EYA3: variants seen among roughly 807,000 people sequenced by gnomAD.
EYA3 encodes the protein protein phosphatase EYA3.
A neutral mutation model predicts 80.0 loss-of-function variants in EYA3; 39 were observed. The observed-to-expected ratio is 0.49, with a 90% CI of 0.38 to 0.64. The LOEUF is 0.64. Among genes scored for constraint, EYA3 ranks in the 30% least tolerant of loss-of-function variants. The probability of loss-of-function intolerance (pLI) is 0.00; values close to 1 mark genes in which losing one functional copy is unlikely to be tolerated. For synonymous variants in EYA3, 206 were observed against 232.8 expected (o/e 0.88, Z 1.05); for missense variants, 523 against 676.1 (o/e 0.77, Z 2.51).
intron 2 of EYA3, among the ~76,000 whole-genome samples, chr1:28,055,866 T>G (rs1644420372): frequency 1.3e-5 from 2 of 152,184 alleles, no homozygotes. Flanking sequence ...ACAATGGGAT[T>G]AAAATAACTT....
chr1:28,027,722 C>T, intron 7 of EYA3, 67 bp downstream of exon 7: 1 of 1,594,050 alleles, frequency 6.3e-7, no homozygotes, highest in South Asian at 1.1e-5. Flanking sequence ...TTTGGAGATA[C>T]AGGTAGATTA....
intron 1 of EYA3, among the ~76,000 whole-genome samples, chr1:28,071,828 T>C (rs1159308296): frequency 1.3e-5 from 2 of 152,278 alleles, no homozygotes; most frequent in South Asian, 2.1e-4. Flanking sequence ...TACAAAAATG[T>C]ACAGATCAAA....
At chr1:27,977,833 G>A (rs1241000353) in intron 17 of EYA3, among the ~76,000 whole-genome samples, 2 of 143,636 alleles carry the variant, frequency 1.4e-5, no homozygotes, top group Non-Finnish European at 3.0e-5. Flanking sequence ...GGGAGATAGA[G>A]TGAGACTCTA....
At chr1:28,001,164 T>C (rs1388083470) in intron 11 of EYA3, among the ~76,000 whole-genome samples, 1 of 148,948 alleles carries the variant, frequency 6.7e-6, no homozygotes, top group Non-Finnish European at 1.5e-5. Context: ...ATATATAATT[T>C]ATATAAACTA....
intron 1 of EYA3, among the ~76,000 whole-genome samples, chr1:28,080,942 G>T (rs1165322333): frequency 1.3e-5 from 2 of 151,704 alleles, no homozygotes; most frequent in Admixed American, 1.3e-4. Context: ...TTTTGGTAGA[G>T]ACGGGGTTTC....
intron 1 of EYA3, among the ~76,000 whole-genome samples, chr1:28,076,094 T>C (rs1452024053): frequency 6.6e-6 from 1 of 152,178 alleles, no homozygotes; most frequent in East Asian, 1.9e-4. Flanking sequence ...ATCACATTTC[T>C]GTAACCAGAA....
At position 27,999,955 on chromosome 1, in the gene EYA3, C is replaced by T. The variant is rs753827273; in HGVS notation, c.1083+5G>A. The T allele has an allele frequency of 6.3e-7, 1 of 1,584,678 alleles. No individual in the cohort carries two copies. The highest frequency in any genetic ancestry group is 8.6e-7 in the Non-Finnish European group (1 of 1,162,516). On this transcript the variant is annotated splice_donor_5th_base_variant and intron_variant, in intron 12 of 17. Transcript: ENST00000373871. ...TGAAGCACAGAAACAATTTAAAATG[C>T]TTACCTCTAAGTCATTGAAAAATAG... is the stretch of plus-strand genomic sequence containing the variant.
chr1:28,083,938 C>A (rs1239390384), intron 1 of EYA3, among the ~76,000 whole-genome samples: 1 of 152,122 alleles, frequency 6.6e-6, no homozygotes, highest in Non-Finnish European at 1.5e-5. Flanking sequence ...AAATGTATTA[C>A]AAAGAGTATT....
At chr1:27,977,110 C>T (rs929767127) in intron 17 of EYA3, 1 of 985,420 alleles carries the variant, frequency 1.0e-6, no homozygotes, top group African/African-American at 1.7e-5. Context: ...TACCCTTCTT[C>T]AGACCAGGAA....
In EYA3 at chr1:28,057,634, T is replaced by C. The variant is rs1228440856; in HGVS notation, c.33+360A>G. On this transcript the variant is annotated intron_variant, in intron 2 of 17. Transcript: ENST00000373871. ...ATAACTTCCTCACTACTACTACTTT[T>C]TAAAAAATTAACTCTCAAGGAAATT... 5.9e-5 allele frequency among the ~76,000 whole-genome samples: 9 copies of C among 152,248 alleles called. No individual in the cohort carries two copies. In the East Asian group the frequency reaches 1.5e-3, roughly 26 times the overall value.
At position 28,047,460 on chromosome 1, in the gene EYA3, C is replaced by T. The variant is rs554594012; in HGVS notation, c.77+923G>A. On this transcript the variant is annotated intron_variant, in intron 3 of 17. Coordinates refer to ENST00000373871, the MANE Select transcript of EYA3 (RefSeq NM_001990.4). ...CATGGCAGTTCTAGAATAAATGAGCCGGGATGATAGTGTGTGGAGGTAAAA... is the reference window on the plus strand; with the variant it reads ...CATGGCAGTTCTAGAATAAATGAGCTGGGATGATAGTGTGTGGAGGTAAAA... Among the ~76,000 whole-genome samples, 7 of 151,920 alleles carry T rather than the reference C, an allele frequency of 4.6e-5. No individual in the cohort carries two copies. In the South Asian group the frequency reaches 8.3e-4, roughly 18 times the overall value.
At chr1:27,997,824 C>T (rs751891007) in intron 12 of EYA3, among the ~76,000 whole-genome samples, 12 of 152,086 alleles carry the variant, frequency 7.9e-5, no homozygotes, top group South Asian at 2.1e-4. Context: ...ACAAAACAGA[C>T]GCTGGTAGTG....
intron 1 of EYA3, among the ~76,000 whole-genome samples, chr1:28,075,240 C>T (rs538887690): frequency 1.3e-5 from 2 of 152,310 alleles, no homozygotes; most frequent in South Asian, 4.1e-4. Context: ...CAGAAATATA[C>T]CAGAGCTTCT....
chr1:28,039,602 C>T (rs1643658948), intron 4 of EYA3, among the ~76,000 whole-genome samples: 1 of 152,170 alleles, frequency 6.6e-6, no homozygotes, highest in African/African-American at 2.4e-5. Flanking sequence ...CTCATGATTA[C>T]TACTTCTGGT....
At chr1:28,077,929 T>C (rs1645281124) in intron 1 of EYA3, among the ~76,000 whole-genome samples, 1 of 152,208 alleles carries the variant, frequency 6.6e-6, no homozygotes, top group Non-Finnish European at 1.5e-5. Flanking sequence ...ACACTGACTA[T>C]ACACTATACT....
chr1:28,071,121 A>C (rs1364996736), intron 1 of EYA3, among the ~76,000 whole-genome samples: 1 of 152,084 alleles, frequency 6.6e-6, no homozygotes, highest in African/African-American at 2.4e-5. Flanking sequence ...ATGGGGTTTC[A>C]CCATGTTGGC....
chr1:28,063,305 AT>A (rs199595508), intron 1 of EYA3, among the ~76,000 whole-genome samples: 1,030 of 75,962 alleles, frequency 0.014, 4 homozygotes, highest in Non-Finnish European at 0.02. Context: ...ATATATATAT[AT>A]TTTTTTTTAT....
At chr1:27,982,601 C>CTTT (rs112969848) in intron 16 of EYA3, among the ~76,000 whole-genome samples, 1 of 150,280 alleles carries the variant, frequency 6.7e-6, no homozygotes, top group Non-Finnish European at 1.5e-5. Flanking sequence ...ATCAGTTTTT[C>CTTT]TTTTTTTTTG....
At chr1:28,028,426 C>T (rs774716977) in intron 6 of EYA3, among the ~76,000 whole-genome samples, 5 of 151,860 alleles carry the variant, frequency 3.3e-5, no homozygotes, top group Non-Finnish European at 5.9e-5. Flanking sequence ...TTGTTTCTTC[C>T]GATTAGGAAA....
Sources: gnomAD v4.1 joint callset for allele counts (sites outside exome capture counted in the v4.1 genomes callset) on GRCh38, gnomAD v4.1.1 for gene constraint, MANE v1.5 for transcripts, NCBI Gene and HGNC (gene_info 2026-07-23, HGNC 2026-07-21) for gene names.